The following GNA12 variants were observed in gnomAD, a reference collection of about 807,000 sequenced individuals.
GNA12 encodes the protein guanine nucleotide-binding protein subunit alpha-12.
A neutral mutation model predicts 26.0 loss-of-function variants in GNA12; 9 were observed. The observed-to-expected ratio is 0.35, with a 90% CI of 0.21 to 0.60. GNA12 has a LOEUF of 0.60. Among genes scored for constraint, GNA12 ranks in the 20% least tolerant of loss-of-function variants. GNA12 has a pLI of 0.78. For synonymous variants in GNA12, 264 were observed against 219.6 expected (o/e 1.20, Z -1.79); for missense variants, 405 against 525.8 (o/e 0.77, Z 2.25).
intron 2 of GNA12, among the ~76,000 whole-genome samples, chr7:2,735,219 G>C (rs993260996): frequency 1.3e-5 from 2 of 152,188 alleles, no homozygotes; most frequent in Non-Finnish European, 2.9e-5. Context: ...AGCCCAAGAA[G>C]CATCAGCATA....
intron 2 of GNA12, among the ~76,000 whole-genome samples, chr7:2,778,155 GT>G (rs1250032340): frequency 6.6e-6 from 1 of 152,106 alleles, no homozygotes; most frequent in Non-Finnish European, 1.5e-5. Context: ...CTGCTAGAAG[GT>G]TTAGTGAGAA....
chr7:2,752,577 G>A (rs1351684444), intron 2 of GNA12, among the ~76,000 whole-genome samples: 1 of 152,136 alleles, frequency 6.6e-6, no homozygotes, highest in Non-Finnish European at 1.5e-5. Flanking sequence ...GCTAGCAACA[G>A]AATCAATCCG....
chr7:2,791,826 C>T (rs1198952539), intron 2 of GNA12, among the ~76,000 whole-genome samples: 1 of 152,188 alleles, frequency 6.6e-6, no homozygotes, highest in East Asian at 1.9e-4. Context: ...TATTAGGGTC[C>T]TACTATCTAG....
chr7:2,798,045 T>A (rs1048100694), intron 1 of GNA12, among the ~76,000 whole-genome samples: 1 of 152,180 alleles, frequency 6.6e-6, no homozygotes, highest in Admixed American at 6.5e-5. Context: ...TCATAATTAA[T>A]GTGAAAGACT....
At chr7:2,794,812 G>A in intron 2 of GNA12, 116 bp downstream of exon 2, 1 of 751,756 alleles carries the variant, frequency 1.3e-6, no homozygotes, top group Non-Finnish European at 2.3e-6. Flanking sequence ...AACTTACGGT[G>A]ATTTAGAGCT....
Position 2,844,180 on chromosome 7 carries a change from C to A in GNA12, c.-19G>T. Reference sequence around the variant, plus strand: ...CGGACATGGCCCCTCAGGCCGCGGCCGCGCCCCGCCGGCGCCCGGGGGCCA... The same window carrying A: ...CGGACATGGCCCCTCAGGCCGCGGCAGCGCCCCGCCGGCGCCCGGGGGCCA... On this transcript the variant is annotated 5_prime_UTR_variant, in exon 1 of 4. Coordinates refer to ENST00000275364, the MANE Select transcript of GNA12 (RefSeq NM_007353.3). The A allele has an allele frequency of 1.0e-6, 1 of 980,690 alleles. No homozygotes were observed. The highest frequency in any genetic ancestry group is 1.2e-6 in the Non-Finnish European group (1 of 827,818). 60.7% of individuals were successfully genotyped at this position (980,690 alleles called of 1,614,324 possible).
intron 1 of GNA12, among the ~76,000 whole-genome samples, chr7:2,810,271 A>C (rs897288095): frequency 2.6e-5 from 4 of 152,144 alleles, no homozygotes; most frequent in African/African-American, 9.7e-5. Flanking sequence ...CTGTGTCCTC[A>C]GATGGTGGAA....
intron 2 of GNA12, among the ~76,000 whole-genome samples, chr7:2,783,010 T>C (rs1287926184): frequency 6.6e-6 from 1 of 152,232 alleles, no homozygotes; most frequent in African/African-American, 2.4e-5. Context: ...GTGTCCAGTT[T>C]TCTAACTTTT....
At chr7:2,787,209 G>A (rs1792384998) in intron 2 of GNA12, among the ~76,000 whole-genome samples, 2 of 152,122 alleles carry the variant, frequency 1.3e-5, no homozygotes, top group Non-Finnish European at 2.9e-5. Flanking sequence ...CCGGTTCTAG[G>A]GTGTCTGGAA....
chr7:2,805,442 C>T (rs1431947555), intron 1 of GNA12, among the ~76,000 whole-genome samples: 4 of 152,150 alleles, frequency 2.6e-5, no homozygotes, highest in Non-Finnish European at 5.9e-5. Flanking sequence ...CACACTGTGT[C>T]CCCCAGGCTG....
At chr7:2,743,308 G>C (rs1188428800) in intron 2 of GNA12, among the ~76,000 whole-genome samples, 1 of 152,192 alleles carries the variant, frequency 6.6e-6, no homozygotes, top group East Asian at 1.9e-4. Context: ...ATCAACATTA[G>C]ATGGATGAAC....
chr7:2,783,373 G>C (rs143335287), intron 2 of GNA12, among the ~76,000 whole-genome samples: 2 of 152,230 alleles, frequency 1.3e-5, no homozygotes, highest in African/African-American at 4.8e-5. Context: ...GCTGGCCCAT[G>C]GGTGGGATTT....
At chr7:2,812,551 C>G (rs1157837039) in intron 1 of GNA12, among the ~76,000 whole-genome samples, 1 of 151,800 alleles carries the variant, frequency 6.6e-6, no homozygotes, top group African/African-American at 2.4e-5. Context: ...ATCACTTAAA[C>G]CCAGGAGGCA....
chr7:2,758,317 C>T (rs1422261276), intron 2 of GNA12, among the ~76,000 whole-genome samples: 3 of 152,172 alleles, frequency 2.0e-5, no homozygotes, highest in South Asian at 2.1e-4. Flanking sequence ...TTATCTCATT[C>T]GCCATCCAAG....
At chr7:2,754,008 T>C (rs1485370640) in intron 2 of GNA12, among the ~76,000 whole-genome samples, 1 of 152,246 alleles carries the variant, frequency 6.6e-6, no homozygotes, top group Non-Finnish European at 1.5e-5. Context: ...CCAGAGAATC[T>C]ACATCTAAAC....
chr7:2,811,306 C>A (rs1482469515), intron 1 of GNA12, among the ~76,000 whole-genome samples: 3 of 152,200 alleles, frequency 2.0e-5, no homozygotes, highest in Non-Finnish European at 4.4e-5. Flanking sequence ...GCCCAGAGCA[C>A]AGCGACTGTG....
intron 2 of GNA12, among the ~76,000 whole-genome samples, chr7:2,745,155 G>C (rs1417649241): frequency 1.3e-5 from 2 of 152,080 alleles, no homozygotes; most frequent in Non-Finnish European, 2.9e-5. Context: ...TTCAAAATCA[G>C]GAAATACAGA....
rs208350 is a variant in GNA12 at position 2,749,568 on chromosome 7, G to A, written c.526-16067C>T. Reference sequence around the variant, plus strand: ...GGAGATATACCTAATGCTAAATGACGAGTTAATGGGTGCAGCACACCAACA... The same window carrying A: ...GGAGATATACCTAATGCTAAATGACAAGTTAATGGGTGCAGCACACCAACA... On this transcript the variant is annotated intron_variant, in intron 2 of 3. Transcript: ENST00000275364. 6.5e-3 allele frequency among the ~76,000 whole-genome samples: 988 copies of A among 151,894 alleles called. 49 individuals carry two copies. In the East Asian group the frequency reaches 0.13, roughly 20 times the overall value.
intron 1 of GNA12, among the ~76,000 whole-genome samples, chr7:2,830,707 G>A (rs1191716066): frequency 6.6e-6 from 1 of 152,220 alleles, no homozygotes; most frequent in African/African-American, 2.4e-5. Context: ...CCACCCATCA[G>A]AGTAAAGCCC....
Sources: allele counts gnomAD v4.1 joint callset (sites outside exome capture counted in the v4.1 genomes callset), GRCh38; gene constraint gnomAD v4.1.1; transcripts MANE v1.5; gene names NCBI Gene and HGNC (gene_info 2026-07-23, HGNC 2026-07-21).